The following DNM3 variants were observed in gnomAD, a reference collection of about 807,000 sequenced individuals.
DNM3 encodes dynamin 3.
A neutral mutation model predicts 101.6 loss-of-function variants in DNM3; 47 were observed. The observed-to-expected ratio is 0.46, with a 90% CI of 0.37 to 0.59. The LOEUF (loss-of-function observed/expected upper bound fraction) is 0.59. DNM3 is among the 20% of genes least tolerant of loss of function. DNM3 has a pLI of 0.00. For synonymous variants in DNM3, 385 were observed against 387.9 expected, an observed-to-expected ratio of 0.99 and a Z score of 0.09; for missense variants, 849 against 1,085.7, an observed-to-expected ratio of 0.78 and a Z score of 3.06.
At chr1:172,084,370 C>A (rs1181718052) in intron 12 of DNM3, among the ~76,000 whole-genome samples, 1 of 152,008 alleles carries the variant, frequency 6.6e-6, no homozygotes, top group Non-Finnish European at 1.5e-5. Context: ...ACTAGATGTA[C>A]CATTTTACTT....
intron 2 of DNM3, among the ~76,000 whole-genome samples, chr1:171,972,102 T>C (rs150125610): frequency 6.6e-6 from 1 of 152,340 alleles, no homozygotes; most frequent in Non-Finnish European, 1.5e-5. Flanking sequence ...CTTGTAATCA[T>C]TTCTGTATCC....
chr1:172,058,834 A>G (rs1452189236), intron 10 of DNM3, among the ~76,000 whole-genome samples: 1 of 151,782 alleles, frequency 6.6e-6, no homozygotes, highest in Admixed American at 6.6e-5. Context: ...AAGGCAAGAA[A>G]TAACTAAAAT....
chr1:172,407,970 T>C lies in DNM3; in HGVS notation c.*129T>C. 1 of 1,553,290 alleles carries C rather than the reference T, an allele frequency of 6.4e-7. No individual in the cohort carries two copies. ...GTAGGCAAGTAACCAGTTTTACTAA[T>C]GCATTCATCGCTCATCTTCATTGCT... On this transcript the variant is annotated 3_prime_UTR_variant, in exon 21 of 21. Transcript: ENST00000627582.
rs1025420840 is a variant in DNM3 at position 171,897,463 on chromosome 1, A to C, written c.162-24285A>C. Among the ~76,000 whole-genome samples, 5 of 152,210 alleles carry C rather than the reference A, an allele frequency of 3.3e-5. No individual in the cohort carries two copies. The East Asian group carries it at 9.6e-4, about 29-fold the overall frequency. On this transcript the variant is annotated intron_variant, in intron 1 of 20. Coordinates refer to ENST00000627582, the MANE Select transcript of DNM3 (RefSeq NM_015569.5). ...ATTATCCTCTACTCCACAAATGTCA[A>C]GGATAGACCTTTAATGAGTAGAACA...
chr1:171,994,721 T>C (rs563141547), intron 4 of DNM3, among the ~76,000 whole-genome samples: 36 of 151,924 alleles, frequency 2.4e-4, no homozygotes, highest in Non-Finnish European at 3.7e-4. Flanking sequence ...TTCTTTCTTT[T>C]TTTTTTTGCC....
intron 15 of DNM3, among the ~76,000 whole-genome samples, chr1:172,254,393 T>C (rs1456014248): frequency 6.6e-6 from 1 of 152,218 alleles, no homozygotes; most frequent in Non-Finnish European, 1.5e-5. Context: ...ATACTATGAC[T>C]AAATTCAGGG....
intron 1 of DNM3, among the ~76,000 whole-genome samples, chr1:171,869,507 C>G (rs947537946): frequency 6.6e-6 from 1 of 152,168 alleles, no homozygotes; most frequent in Admixed American, 6.5e-5. Flanking sequence ...CTGTTTTACC[C>G]GAGAAATCCT....
chr1:172,131,323 A>T, intron 14 of DNM3, 35 bp downstream of exon 14: 1 of 1,572,354 alleles, frequency 6.4e-7, no homozygotes, highest in East Asian at 2.3e-5. Flanking sequence ...TTTCTTGTTA[A>T]AGTATTTCTC....
chr1:171,919,447 G>A (rs1310731456), intron 1 of DNM3, among the ~76,000 whole-genome samples: 1 of 151,948 alleles, frequency 6.6e-6, no homozygotes, highest in Non-Finnish European at 1.5e-5. Context: ...GAGAATGATG[G>A]TTTCCAGCTT....
At chr1:172,290,857 G>A (rs2063883109) in intron 15 of DNM3, among the ~76,000 whole-genome samples, 1 of 152,134 alleles carries the variant, frequency 6.6e-6, no homozygotes, top group African/African-American at 2.4e-5. Flanking sequence ...AGAATTTAAA[G>A]GCCTTTAAGA....
intron 17 of DNM3, among the ~76,000 whole-genome samples, chr1:172,343,862 A>C (rs563062768): frequency 6.6e-6 from 1 of 152,330 alleles, no homozygotes; most frequent in Non-Finnish European, 1.5e-5. Flanking sequence ...CAAACAGATA[A>C]CACCATCTCC....
intron 14 of DNM3, among the ~76,000 whole-genome samples, chr1:172,166,298 A>T (rs1034886647): frequency 6.6e-6 from 1 of 152,130 alleles, no homozygotes. Flanking sequence ...ATAGGTGATT[A>T]GCTTTCAAAC....
At chr1:172,060,333 T>C (rs1386610461) in intron 10 of DNM3, among the ~76,000 whole-genome samples, 2 of 97,578 alleles carry the variant, frequency 2.0e-5, no homozygotes, top group Non-Finnish European at 4.0e-5. Flanking sequence ...TTTCACAGAA[T>C]TGGAAAAAAC....
chr1:172,228,819 T>G (rs2061231510), intron 14 of DNM3, among the ~76,000 whole-genome samples: 1 of 152,140 alleles, frequency 6.6e-6, no homozygotes, highest in Non-Finnish European at 1.5e-5. Context: ...GACCAGATGT[T>G]TTTTAGTAGA....
intron 4 of DNM3, among the ~76,000 whole-genome samples, chr1:172,015,136 A>G (rs747002131): frequency 2.0e-5 from 3 of 152,086 alleles, no homozygotes; most frequent in Non-Finnish European, 4.4e-5. Flanking sequence ...TTACATGTCT[A>G]TTCTTTCACT....
chr1:171,995,175 G>A (rs550283139), intron 4 of DNM3, among the ~76,000 whole-genome samples: 9 of 146,380 alleles, frequency 6.1e-5, no homozygotes, highest in South Asian at 2.2e-4. Context: ...GCACAGTCTC[G>A]GCTCACTGCA....
rs78657230 is a variant in DNM3 at position 172,076,657 on chromosome 1, G to A, written c.1423-5175G>A. ...ATGTTGAACCTGCCTTGAGTCTCAG[G>A]GATGAAGCCGACTTGATCATGGTGG... On this transcript the variant is annotated intron_variant, in intron 11 of 20. Coordinates refer to ENST00000627582, the MANE Select transcript of DNM3 (RefSeq NM_015569.5). 4.8e-3 allele frequency among the ~76,000 whole-genome samples: 734 copies of A among 152,242 alleles called. 6 individuals carry two copies. Among genetic ancestry groups the A allele is most frequent in the African/African-American group, 0.017 (689 of 41,538 alleles).
intron 2 of DNM3, among the ~76,000 whole-genome samples, chr1:171,925,656 C>T (rs1428285258): frequency 1.3e-5 from 2 of 152,052 alleles, no homozygotes; most frequent in African/African-American, 2.4e-5. Flanking sequence ...TCCTGTAGAT[C>T]GTCTGTTTAC....
chr1:171,992,287 A>G (rs188272740), intron 4 of DNM3, among the ~76,000 whole-genome samples: 10 of 152,306 alleles, frequency 6.6e-5, no homozygotes, highest in Admixed American at 6.5e-4. Flanking sequence ...GACCTAAAAT[A>G]AACTCATGTG....
Sources: gnomAD v4.1 joint callset for allele counts (sites outside exome capture counted in the v4.1 genomes callset) on GRCh38, gnomAD v4.1.1 for gene constraint, MANE v1.5 for transcripts, NCBI Gene and HGNC (gene_info 2026-07-23, HGNC 2026-07-21) for gene names.